Variants in HERC3 observed in about 807,000 individuals in gnomAD.
HERC3 encodes the protein HECT and RLD domain containing E3 ubiquitin protein ligase 3.
In HERC3, 58 loss-of-function variants were observed where a neutral mutation model predicts 129.9. The ratio of observed to expected loss-of-function variants is 0.45; its 90% CI spans 0.36 to 0.56. The LOEUF is 0.56. Ranked by LOEUF, HERC3 falls within the 20% of genes least tolerant of loss-of-function variation. The probability of loss-of-function intolerance (pLI) is 0.00; values close to 1 mark genes in which losing one functional copy is unlikely to be tolerated. For synonymous variants in HERC3, 430 were observed against 451.0 expected (o/e 0.95, Z 0.59); for missense variants, 835 against 1,244.2 (o/e 0.67, Z 4.95).
At chr4:88,540,531 T>C in the HERC3 span, among the ~76,000 whole-genome samples, 1 of 152,216 alleles carries the variant, frequency 6.6e-6, no homozygotes, top group Non-Finnish European at 1.5e-5. Flanking sequence ...TTCAGGATAT[T>C]ATCAAGGAGA....
chr4:88,668,062 A>G lies in HERC3; in HGVS notation c.1614A>G (p.Thr538=), dbSNP rs770393954. ...PLAMAILRLD[T]NPSKVLDNWW... Reference sequence around the variant, plus strand: ...CTATGGCCATTCTTCGGCTGGATACAAACCCCAGCAAAGTACTAGGTGAAT... The same window carrying G: ...CTATGGCCATTCTTCGGCTGGATACGAACCCCAGCAAAGTACTAGGTGAAT... The change falls in exon 14 of 26, where the codon ACA becomes ACG. Residue 538 remains threonine (T), a synonymous_variant. Coordinates refer to ENST00000402738, the MANE Select transcript of HERC3 (RefSeq NM_014606.3). 5.0e-6 allele frequency: 8 copies of G among 1,613,470 alleles called. No individual in the cohort carries two copies. The South Asian group carries it at 7.7e-5, about 16-fold the overall frequency.
intron 16 of HERC3, among the ~76,000 whole-genome samples, chr4:88,672,210 C>T (rs968062868): frequency 1.2e-4 from 18 of 152,198 alleles, no homozygotes; most frequent in African/African-American, 4.3e-4. Context: ...AGAAGTTGCT[C>T]ATGTTAAAAT....
chr4:88,575,166 C>G, the HERC3 span, among the ~76,000 whole-genome samples: 2 of 152,122 alleles, frequency 1.3e-5, no homozygotes, highest in African/African-American at 2.4e-5. Context: ...TACTAAATGC[C>G]AATTACCTAT....
chr4:88,544,307 A>C, the HERC3 span, among the ~76,000 whole-genome samples: 1 of 152,018 alleles, frequency 6.6e-6, no homozygotes, highest in African/African-American at 2.4e-5. Context: ...GCAGCCAATA[A>C]ACATGAAAAA....
chr4:88,588,296 T>A (rs1212635636), upstream of HERC3, among the ~76,000 whole-genome samples: 2 of 152,256 alleles, frequency 1.3e-5, no homozygotes, highest in Non-Finnish European at 2.9e-5. Context: ...GATTATTTGA[T>A]GGTAATACTG....
At chr4:88,609,343 A>T (rs897217743) in intron 3 of HERC3, among the ~76,000 whole-genome samples, 1 of 152,176 alleles carries the variant, frequency 6.6e-6, no homozygotes, top group East Asian at 1.9e-4. Context: ...AAAAATGGGG[A>T]TTATAATACT....
intron 2 of HERC3, among the ~76,000 whole-genome samples, chr4:88,602,364 T>C (rs1723090995): frequency 7.6e-6 from 1 of 131,534 alleles, no homozygotes; most frequent in Admixed American, 9.2e-5. Flanking sequence ...ATTGCGCCAC[T>C]GCACTCCAGC....
intron 3 of HERC3, among the ~76,000 whole-genome samples, chr4:88,614,856 C>T (rs907022712): frequency 6.6e-6 from 1 of 152,056 alleles, no homozygotes; most frequent in Non-Finnish European, 1.5e-5. Flanking sequence ...ATTTATAGAC[C>T]AGGTGAGAAT....
chr4:88,559,295 T>C, the HERC3 span, among the ~76,000 whole-genome samples: 7 of 152,216 alleles, frequency 4.6e-5, no homozygotes, highest in African/African-American at 1.7e-4. Flanking sequence ...AAAAACCTCA[T>C]TTAGCATGAA....
the HERC3 span, among the ~76,000 whole-genome samples, chr4:88,547,507 T>C: frequency 6.6e-6 from 1 of 152,204 alleles, no homozygotes; most frequent in East Asian, 1.9e-4. Context: ...ACTTACTCCC[T>C]ATTTCTCCAA....
At chr4:88,693,623 TTA>T (rs1734295018) in intron 23 of HERC3, 3 of 972,036 alleles carry the variant, frequency 3.1e-6, no homozygotes, top group African/African-American at 1.8e-5. Context: ...ATGGTTAATT[TTA>T]TGTTATGCAA....
the HERC3 span, among the ~76,000 whole-genome samples, chr4:88,564,671 T>C: frequency 1.3e-5 from 2 of 152,202 alleles, no homozygotes; most frequent in Admixed American, 1.3e-4. Flanking sequence ...GTTTATCTTT[T>C]CAAAAAACCA....
chr4:88,527,262 T>G, the HERC3 span: 1 of 151,840 alleles, frequency 6.6e-6, no homozygotes, highest in Non-Finnish European at 1.5e-5. Flanking sequence ...TTTCTTTTTT[T>G]TTTTTTTGAG....
At chr4:88,524,990 A>C in the HERC3 span, 1 of 151,476 alleles carries the variant, frequency 6.6e-6, no homozygotes, top group African/African-American at 2.4e-5. Context: ...TGTTCATCCT[A>C]ATTTTTTGTT....
At chr4:88,632,432 A>G (rs750065178) in intron 3 of HERC3, among the ~76,000 whole-genome samples, 1 of 152,262 alleles carries the variant, frequency 6.6e-6, no homozygotes, top group East Asian at 1.9e-4. Flanking sequence ...TTCAACTTGC[A>G]TGGGAAGAGA....
chr4:88,664,304 G>A (rs2149292091), intron 12 of HERC3, 92 bp downstream of exon 12: 1 of 1,059,928 alleles, frequency 9.4e-7, no homozygotes. Context: ...TTGAGTTTAG[G>A]AGTTTGGGGC....
intron 3 of HERC3, among the ~76,000 whole-genome samples, chr4:88,621,657 G>A (rs537683802): frequency 6.6e-6 from 1 of 152,296 alleles, no homozygotes; most frequent in Admixed American, 6.5e-5. Context: ...TTACATATGT[G>A]AAGCTGAGGA....
intron 21 of HERC3, among the ~76,000 whole-genome samples, chr4:88,681,822 G>C (rs1195347158): frequency 1.3e-5 from 2 of 152,112 alleles, no homozygotes; most frequent in Admixed American, 6.6e-5. Flanking sequence ...CTTTATGTTA[G>C]AAACACTCGA....
chr4:88,546,752 A>G, the HERC3 span, among the ~76,000 whole-genome samples: 18 of 152,252 alleles, frequency 1.2e-4, no homozygotes, highest in Non-Finnish European at 2.5e-4. Context: ...GATTGTTTTT[A>G]TTTTTGTTTT....
Sources: allele counts gnomAD v4.1 joint callset (sites outside exome capture counted in the v4.1 genomes callset), GRCh38; gene constraint gnomAD v4.1.1; transcripts MANE v1.5; gene names NCBI Gene and HGNC (gene_info 2026-07-23, HGNC 2026-07-21).